VIPR2: variants seen among roughly 807,000 people sequenced by gnomAD.
VIPR2 encodes the protein vasoactive intestinal polypeptide receptor 2.
VIPR2 carries 48 observed loss-of-function variants against 58.0 expected under a neutral mutation model. The observed-to-expected ratio is 0.83, with a 90% CI of 0.66 to 1.05. VIPR2 has a LOEUF of 1.05. VIPR2 is among the 50% of genes least tolerant of loss of function. The probability of loss-of-function intolerance (pLI) is 0.00; values close to 1 mark genes in which losing one functional copy is unlikely to be tolerated. For synonymous variants in VIPR2, 243 were observed against 235.2 expected (o/e 1.03, Z -0.30); for missense variants, 534 against 558.0 (o/e 0.96, Z 0.43).
At chr7:159,059,697 C>T (rs1391496838) in intron 4 of VIPR2, among the ~76,000 whole-genome samples, 5 of 142,212 alleles carry the variant, frequency 3.5e-5, no homozygotes, top group African/African-American at 5.0e-5. Flanking sequence ...TTCCCGACTC[C>T]ACTCACGAGA....
At chr7:159,039,161 T>A (rs1854162153) in intron 6 of VIPR2, among the ~76,000 whole-genome samples, 1 of 152,198 alleles carries the variant, frequency 6.6e-6, no homozygotes, top group African/African-American at 2.4e-5. Context: ...TTACTACAAT[T>A]TAAAAATACA....
chr7:159,030,342 C>CAAAAA lies in VIPR2; in HGVS notation c.*269_*273dup, dbSNP rs869158676. 5.5e-5 allele frequency: 11 copies of CAAAAA among 200,890 alleles called. No individual in the cohort carries two copies. The highest frequency in any genetic ancestry group is 1.3e-4 in the African/African-American group (3 of 23,436). 12.4% of individuals were successfully genotyped at this position (200,890 alleles called of 1,614,324 possible). On this transcript the variant is annotated 3_prime_UTR_variant, in exon 13 of 13. Coordinates refer to ENST00000262178, the MANE Select transcript of VIPR2 (RefSeq NM_003382.5). Reference sequence around the variant, plus strand: ...TGGGCGACAGAGCGAGACTCCGTCTCAAAAAAAAAAAAAAAAAAAAAAGTG... The same window carrying CAAAAA: ...TGGGCGACAGAGCGAGACTCCGTCTCAAAAAAAAAAAAAAAAAAAAAAAAAAAGTG...
intron 5 of VIPR2, among the ~76,000 whole-genome samples, chr7:159,053,293 A>G (rs1855114610): frequency 6.6e-6 from 1 of 152,188 alleles, no homozygotes; most frequent in African/African-American, 2.4e-5. Flanking sequence ...TTCAAGAAAC[A>G]ATTAGAAATG....
Position 159,034,389 on chromosome 7 carries a change from C to T in VIPR2, c.880-85G>A, listed in dbSNP as rs565288021. ...TCCACCTGATTTCGACCCTCCCCTCCGCTCCCTCAGTCCCTCCCTCCTTCC... is the reference window on the plus strand; with the variant it reads ...TCCACCTGATTTCGACCCTCCCCTCTGCTCCCTCAGTCCCTCCCTCCTTCC... On this transcript the variant is annotated intron_variant, in intron 9 of 12. Transcript: ENST00000262178. The T allele has an allele frequency of 2.5e-4, 359 of 1,415,556 alleles. 1 individual carries two copies. The highest frequency in any genetic ancestry group is 3.1e-4 in the Non-Finnish European group (314 of 1,019,070). 87.7% of individuals were successfully genotyped at this position (1,415,556 alleles called of 1,614,324 possible).
In VIPR2 at chr7:159,059,902, T is replaced by A. The variant is rs1327069105; in HGVS notation, c.358-1324A>T. Among the ~76,000 whole-genome samples the A allele has an allele frequency of 3.5e-5, 5 of 141,902 alleles. No individual in the cohort carries two copies. The East Asian group carries it at 6.8e-4, about 19-fold the overall frequency. 93.1% of individuals were successfully genotyped at this position (141,902 alleles called of 152,430 possible). On this transcript the variant is annotated intron_variant, in intron 4 of 12. Coordinates refer to ENST00000262178, the MANE Select transcript of VIPR2 (RefSeq NM_003382.5). ...ACCATGACCCTCACCTCATCTAACC[T>A]CCATTCTCAACTCATCTAACCATCC... is the stretch of plus-strand genomic sequence containing the variant.
At chr7:159,036,045 C>G in intron 7 of VIPR2, 33 bp from the exon 8 acceptor site, 4 of 1,605,732 alleles carry the variant, frequency 2.5e-6, no homozygotes, top group Non-Finnish European at 3.4e-6. Context: ...ACAGGTGGAG[C>G]GGAGCGGTGT....
At chr7:159,072,725 A>G (rs1190808225) in intron 4 of VIPR2, among the ~76,000 whole-genome samples, 1 of 152,264 alleles carries the variant, frequency 6.6e-6, no homozygotes, top group Non-Finnish European at 1.5e-5. Context: ...TATTAAGGAG[A>G]GTAAGTTTTA....
At chr7:159,116,210 T>C (rs1297118854) in intron 2 of VIPR2, among the ~76,000 whole-genome samples, 1 of 152,190 alleles carries the variant, frequency 6.6e-6, no homozygotes, top group African/African-American at 2.4e-5. Flanking sequence ...TTGGGTGACG[T>C]GGGCAGAACC....
At chr7:159,068,058 C>G (rs1012061944) in intron 4 of VIPR2, among the ~76,000 whole-genome samples, 1 of 152,214 alleles carries the variant, frequency 6.6e-6, no homozygotes, top group Non-Finnish European at 1.5e-5. Flanking sequence ...CAGAAGTGAA[C>G]AGCAACCGGC....
At chr7:159,102,045 ACGGGTCTC>A (rs1858308378) in intron 4 of VIPR2, among the ~76,000 whole-genome samples, 1 of 114,398 alleles carries the variant, frequency 8.7e-6, no homozygotes, top group South Asian at 2.8e-4. Flanking sequence ...GTGATAGTGA[ACGGGTCTC>A]ACGAGATCCG....
intron 4 of VIPR2, among the ~76,000 whole-genome samples, chr7:159,077,064 G>A (rs1384474069): frequency 1.3e-5 from 2 of 152,192 alleles, no homozygotes; most frequent in Non-Finnish European, 2.9e-5. Context: ...TGACTGGAAT[G>A]TCATATTTGA....
chr7:159,138,545 A>G (rs755785043), intron 2 of VIPR2, among the ~76,000 whole-genome samples: 4 of 152,260 alleles, frequency 2.6e-5, no homozygotes, highest in Non-Finnish European at 5.9e-5. Flanking sequence ...GAGACTAAAG[A>G]AACACATTAG....
chr7:159,132,235 C>T (rs541014319), intron 2 of VIPR2, among the ~76,000 whole-genome samples: 109 of 143,938 alleles, frequency 7.6e-4, no homozygotes, highest in South Asian at 4.8e-3. Flanking sequence ...AGTAACCAGG[C>T]GCGGGCAGCC....
intron 4 of VIPR2, among the ~76,000 whole-genome samples, chr7:159,068,698 C>T (rs1037027827): frequency 3.3e-5 from 5 of 152,194 alleles, no homozygotes; most frequent in Admixed American, 6.5e-5. Flanking sequence ...GCGGGTGCAA[C>T]AGCACGGCCT....
chr7:159,101,607 G>A (rs1417555035), intron 4 of VIPR2, among the ~76,000 whole-genome samples: 3 of 139,630 alleles, frequency 2.1e-5, no homozygotes, highest in Admixed American at 7.2e-5. Context: ...GGTTCCGACC[G>A]TTCCTGTGGT....
At chr7:159,044,597 A>T (rs1854540263) in intron 5 of VIPR2, among the ~76,000 whole-genome samples, 1 of 151,660 alleles carries the variant, frequency 6.6e-6, no homozygotes, top group Non-Finnish European at 1.5e-5. Flanking sequence ...GTGCAAAAAA[A>T]AAAAAACCTA....
At chr7:159,106,117 T>C (rs1858631126) in intron 3 of VIPR2, among the ~76,000 whole-genome samples, 1 of 152,164 alleles carries the variant, frequency 6.6e-6, no homozygotes, top group South Asian at 2.1e-4. Context: ...TGCAGGCCCC[T>C]ATCCTGAGCC....
chr7:159,050,354 C>CAAAAAAAAAAAAAAAAA (rs11302236), intron 5 of VIPR2, among the ~76,000 whole-genome samples: 1 of 139,166 alleles, frequency 7.2e-6, no homozygotes, highest in Non-Finnish European at 1.5e-5. Flanking sequence ...CACAAAAAAA[C>CAAAAAAAAAAAAAAAAA]AAAAAAAAAA....
At chr7:159,136,237 G>C (rs1172590397) in intron 2 of VIPR2, among the ~76,000 whole-genome samples, 1 of 152,170 alleles carries the variant, frequency 6.6e-6, no homozygotes, top group East Asian at 1.9e-4. Context: ...GTGTAGTGAG[G>C]GGGCTGAGCG....
Sources: allele counts gnomAD v4.1 joint callset (sites outside exome capture counted in the v4.1 genomes callset), GRCh38; gene constraint gnomAD v4.1.1; transcripts MANE v1.5; gene names NCBI Gene and HGNC (gene_info 2026-07-23, HGNC 2026-07-21).